LIN52: variants seen among roughly 807,000 people sequenced by gnomAD.
LIN52 encodes the protein lin-52 DREAM MuvB core complex component.
LIN52 carries 4 observed loss-of-function variants against 18.5 expected under a neutral mutation model. The ratio of observed to expected loss-of-function variants is 0.22; its 90% CI spans 0.11 to 0.49. The LOEUF (loss-of-function observed/expected upper bound fraction) is 0.49, where lower values mean the gene tolerates loss of function less well. LIN52 is among the 20% of genes least tolerant of loss of function. The pLI is 0.97. For missense variants in LIN52, 102 were observed against 139.5 expected, an observed-to-expected ratio of 0.73 and a Z score of 1.35; for synonymous variants, 34 against 45.5, an observed-to-expected ratio of 0.75 and a Z score of 1.02.
intron 5 of LIN52, among the ~76,000 whole-genome samples, chr14:74,136,223 GC>G (rs2061097136): frequency 6.6e-6 from 1 of 152,170 alleles, no homozygotes; most frequent in Admixed American, 6.5e-5. Flanking sequence ...AGTTGAAAGT[GC>G]TTAACATTCA....
intron 1 of LIN52, among the ~76,000 whole-genome samples, chr14:74,090,023 T>C (rs533316682): frequency 8.6e-5 from 13 of 150,502 alleles, no homozygotes; most frequent in Admixed American, 8.6e-4. Flanking sequence ...GCACTCTTTT[T>C]TTTTTTTTTT....
rs367812590 is a variant in LIN52 at position 74,125,861 on chromosome 14, G to A, written c.283+24623G>A. Among the ~76,000 whole-genome samples the A allele has an allele frequency of 1.6e-3, 222 of 141,266 alleles. 6 individuals are homozygous for A. In the East Asian group the frequency reaches 0.043, roughly 27 times the overall value. 92.7% of individuals were successfully genotyped at this position (141,266 alleles called of 152,430 possible). ...AATGAGAACACATGGACACAGGAAG[G>A]GGAACATCACACACCGGGGCCTGTT... On this transcript the variant is annotated intron_variant, in intron 5 of 5. Transcript: ENST00000555028.
At chr14:74,100,176 A>C (rs1278981082) in intron 4 of LIN52, among the ~76,000 whole-genome samples, 1 of 152,238 alleles carries the variant, frequency 6.6e-6, no homozygotes, top group East Asian at 1.9e-4. Context: ...CCATTTTGTC[A>C]GATCAGATCT....
chr14:74,130,679 C>T (rs571262458), intron 5 of LIN52, among the ~76,000 whole-genome samples: 31 of 148,464 alleles, frequency 2.1e-4, no homozygotes, highest in African/African-American at 7.5e-4. Context: ...AACCTCCACC[C>T]GGAAGGTTCA....
intron 5 of LIN52, among the ~76,000 whole-genome samples, chr14:74,145,257 A>G (rs1312262115): frequency 6.6e-6 from 1 of 152,180 alleles, no homozygotes; most frequent in Non-Finnish European, 1.5e-5. Context: ...CCCCTTTGCC[A>G]TTCTTTGCCA....
Position 74,183,796 on chromosome 14 carries a change from G to A in LIN52, c.284-15126G>A, listed in dbSNP as rs929834017. ...GTCATACCATTTCATTCATAAATAC[G>A]TTCATACATATCTCTAACCAGAAGA... On this transcript the variant is annotated intron_variant, in intron 5 of 5. Transcript: ENST00000555028. 9.2e-5 allele frequency among the ~76,000 whole-genome samples: 14 copies of A among 151,942 alleles called. 1 individual carries two copies. The South Asian group carries it at 2.1e-3, about 23-fold the overall frequency.
chr14:74,138,104 G>T (rs1412449704), intron 5 of LIN52, among the ~76,000 whole-genome samples: 2 of 152,062 alleles, frequency 1.3e-5, no homozygotes, highest in Admixed American at 6.5e-5. Context: ...TTGTTCTCAG[G>T]ATCAAGTCAA....
Position 74,200,820 on chromosome 14 carries a change from T to TGTGTGCGC in LIN52, c.*1844_*1845insTGTGCGCG, listed in dbSNP as rs143089788. 4 of 151,510 alleles carry TGTGTGCGC rather than the reference T, an allele frequency of 2.6e-5. No homozygotes were observed. The highest frequency in any genetic ancestry group is 7.3e-5 in the African/African-American group (3 of 41,316). The allele number at this position is 151,510 out of a possible 1,614,324, so 9.4% of individuals were successfully genotyped here. A position where few individuals can be genotyped will look rare whatever the true frequency, so the allele number is the denominator to read the frequency against. On this transcript the variant is annotated 3_prime_UTR_variant, in exon 6 of 6. Transcript: ENST00000555028. ...CGGTTGAAGAGTGTGTGTGTGTGTG[T>TGTGTGCGC]GCGCGCGCGCATGTGGCCAAAAAAT...
At chr14:74,101,460 CT>C (rs200423163) in intron 5 of LIN52, among the ~76,000 whole-genome samples, 27,696 of 138,566 alleles carry the variant, frequency 0.2, 2,274 homozygotes, top group South Asian at 0.4. Flanking sequence ...AATGATTTTT[CT>C]TTTTTTTTTT....
chr14:74,178,262 CAGCAGCTGA>C (rs983821195), intron 5 of LIN52, among the ~76,000 whole-genome samples: 7 of 152,186 alleles, frequency 4.6e-5, no homozygotes, highest in Admixed American at 3.3e-4. Flanking sequence ...TGAATGTACC[CAGCAGCTGA>C]AGCTGAACTT....
chr14:74,148,225 T>C (rs1028696363), intron 5 of LIN52, among the ~76,000 whole-genome samples: 1 of 152,086 alleles, frequency 6.6e-6, no homozygotes, highest in Admixed American at 6.6e-5. Flanking sequence ...CAAAATAGAT[T>C]GGAAATAATC....
intron 5 of LIN52, among the ~76,000 whole-genome samples, chr14:74,125,523 G>A (rs1687947725): frequency 6.6e-6 from 1 of 152,020 alleles, no homozygotes; most frequent in Non-Finnish European, 1.5e-5. Flanking sequence ...TTCGCCCTTT[G>A]TCAGACGAGT....
intron 2 of LIN52, among the ~76,000 whole-genome samples, chr14:74,093,321 CT>C (rs1295151671): frequency 0.01 from 1,206 of 120,534 alleles, 11 homozygotes; most frequent in African/African-American, 0.034. Context: ...TTCAATCACT[CT>C]TTTTTTTTTT....
At position 74,201,058 on chromosome 14, in the gene LIN52, G is replaced by A. The variant is rs1003592593; in HGVS notation, c.*2081G>A. The A allele has an allele frequency of 6.6e-6, 1 of 152,178 alleles. No homozygotes were observed. The highest frequency in any genetic ancestry group is 2.4e-5 in the African/African-American group (1 of 41,440). 9.4% of individuals were successfully genotyped at this position (152,178 alleles called of 1,614,324 possible). On this transcript the variant is annotated 3_prime_UTR_variant, in exon 6 of 6. Transcript: ENST00000555028. ...GCACTTAATGTAAGTAGATGTTTTAGAATTGCAATATTTATTGGTTTAGTA... is the reference window on the plus strand; with the variant it reads ...GCACTTAATGTAAGTAGATGTTTTAAAATTGCAATATTTATTGGTTTAGTA...
intron 5 of LIN52, among the ~76,000 whole-genome samples, chr14:74,102,993 G>A (rs2060869243): frequency 6.6e-6 from 1 of 152,152 alleles, no homozygotes; most frequent in South Asian, 2.1e-4. Context: ...CTACTTTAAA[G>A]CAAATTCCAG....
chr14:74,186,691 G>T (rs2061342034), intron 5 of LIN52, among the ~76,000 whole-genome samples: 1 of 151,816 alleles, frequency 6.6e-6, no homozygotes, highest in African/African-American at 2.4e-5. Context: ...GAAGTAAATA[G>T]GTTGATATTC....
intron 5 of LIN52, among the ~76,000 whole-genome samples, chr14:74,131,279 A>T (rs2061065343): frequency 1.3e-5 from 2 of 150,350 alleles, no homozygotes; most frequent in African/African-American, 4.9e-5. Context: ...TCTAAGTGAG[A>T]TTGAGGGATA....
intron 5 of LIN52, among the ~76,000 whole-genome samples, chr14:74,161,429 A>G (rs901056768): frequency 3.3e-5 from 5 of 152,054 alleles, no homozygotes; most frequent in African/African-American, 1.2e-4. Flanking sequence ...CAGGTGATCC[A>G]CCCTCCTTGG....
chr14:74,180,783 GA>G (rs1423031503), intron 5 of LIN52, among the ~76,000 whole-genome samples: 1 of 151,938 alleles, frequency 6.6e-6, no homozygotes, highest in Non-Finnish European at 1.5e-5. Context: ...TTAATGAAGT[GA>G]AAAAAATACA....
Sources: allele counts gnomAD v4.1 joint callset (sites outside exome capture counted in the v4.1 genomes callset), GRCh38; gene constraint gnomAD v4.1.1; transcripts MANE v1.5; gene names NCBI Gene and HGNC (gene_info 2026-07-23, HGNC 2026-07-21).